Variants in CNMD observed in about 807,000 individuals in gnomAD.
CNMD encodes chondromodulin.
Under a neutral mutation model 37.5 loss-of-function variants are expected in CNMD, and 30 were observed. The ratio of observed to expected loss-of-function variants is 0.80; its 90% confidence interval spans 0.60 to 1.09. The LOEUF (loss-of-function observed/expected upper bound fraction) is 1.09, where lower values mean the gene tolerates loss of function less well. Among genes scored for constraint, CNMD ranks in the 50% least tolerant of loss-of-function variants. The pLI is 0.00. For synonymous variants in CNMD, 167 were observed against 148.2 expected, an observed-to-expected ratio of 1.13 and a Z score of -0.92; for missense variants, 398 against 423.9, an observed-to-expected ratio of 0.94 and a Z score of 0.54.
intron 6 of CNMD, among the ~76,000 whole-genome samples, chr13:52,704,569 A>G (rs1964144114): frequency 6.6e-6 from 1 of 152,246 alleles, no homozygotes; most frequent in Non-Finnish European, 1.5e-5. Flanking sequence ...CCCGGTTTAC[A>G]TATTTGGTTT....
intron 4 of CNMD, among the ~76,000 whole-genome samples, chr13:52,722,412 C>T (rs1489142751): frequency 6.6e-6 from 1 of 152,100 alleles, no homozygotes; most frequent in East Asian, 1.9e-4. Context: ...GCTTTCCCTC[C>T]CTCTCAGGAA....
At chr13:52,712,085 T>C (rs1249959370) in intron 5 of CNMD, among the ~76,000 whole-genome samples, 3 of 152,122 alleles carry the variant, frequency 2.0e-5, no homozygotes, top group Non-Finnish European at 4.4e-5. Flanking sequence ...GTAGAAATAG[T>C]GAGACAACTC....
intron 4 of CNMD, among the ~76,000 whole-genome samples, chr13:52,721,634 C>T (rs1171768254): frequency 1.3e-5 from 2 of 152,182 alleles, no homozygotes; most frequent in African/African-American, 4.8e-5. Context: ...ACTGTCTAAC[C>T]ACTCCCAGTG....
chr13:52,739,387 G>A lies in CNMD; in HGVS notation c.73-216C>T. 1 of 676,036 alleles carries A rather than the reference G, an allele frequency of 1.5e-6. No individual in the cohort carries two copies. Among genetic ancestry groups the A allele is most frequent in the Admixed American group, 3.1e-5 (1 of 32,706 alleles). The allele number at this position is 676,036 out of a possible 1,614,324, so 41.9% of individuals were successfully genotyped here. Reference sequence around the variant, plus strand: ...TGGGATGAGCAAACCCCGCAGCACAGGGCCTTCGCCCCAGGACCTGCACCC... The same window carrying A: ...TGGGATGAGCAAACCCCGCAGCACAAGGCCTTCGCCCCAGGACCTGCACCC... On this transcript the variant is annotated intron_variant, in intron 1 of 6. Coordinates refer to ENST00000377962, the MANE Select transcript of CNMD (RefSeq NM_007015.3). This position sits in a 1 kb window ranked among gnomAD's most constrained non-coding sequence, Gnocchi z 5.4.
rs1179901463 is a variant in CNMD at position 52,724,050 on chromosome 13, C to A, written c.415G>T (p.Ala139Ser). 15 of 1,614,106 alleles carry A rather than the reference C, an allele frequency of 9.3e-6. No homozygotes were observed. The highest frequency in any genetic ancestry group is 1.3e-5 in the Non-Finnish European group (15 of 1,180,002). The change falls in exon 4 of 7, where the codon GCT becomes TCT. Residue 139 changes from alanine to serine, a missense_variant. Coordinates refer to ENST00000377962, the MANE Select transcript of CNMD (RefSeq NM_007015.3). The stretch of plus-strand genomic sequence containing the variant: ...ACGGCGCCCACCTCAGGAATACGAG[C>A]CTTCACTTGCGCTTTAATGTAGCAC... ...EKCYIKAQVKARIPEVGAVTK... is the reference protein window; with the variant it reads ...EKCYIKAQVKSRIPEVGAVTK...
intron 2 of CNMD, among the ~76,000 whole-genome samples, chr13:52,736,625 A>G (rs1297484869): frequency 2.0e-5 from 3 of 152,186 alleles, no homozygotes; most frequent in Non-Finnish European, 4.4e-5. Flanking sequence ...GGAGCTGTGG[A>G]CACCCAAGGC....
intron 6 of CNMD, among the ~76,000 whole-genome samples, chr13:52,705,365 A>G (rs1228564925): frequency 6.6e-6 from 1 of 152,216 alleles, no homozygotes; most frequent in African/African-American, 2.4e-5. Flanking sequence ...CATTATCACA[A>G]AATTAACAAC....
Position 52,739,266 on chromosome 13 carries a change from G to A in CNMD, c.73-95C>T, listed in dbSNP as rs192537657. The A allele has an allele frequency of 8.4e-4, 1,133 of 1,356,782 alleles. 7 individuals carry two copies. The African/African-American group carries it at 0.014, about 17-fold the overall frequency. 84.0% of individuals were successfully genotyped at this position (1,356,782 alleles called of 1,614,324 possible). On this transcript the variant is annotated intron_variant, in intron 1 of 6. Coordinates refer to ENST00000377962, the MANE Select transcript of CNMD (RefSeq NM_007015.3). The surrounding 1 kb of genome is among the most constrained non-coding windows in gnomAD (Gnocchi z 5.4). Reference sequence around the variant, plus strand: ...GGCCCCACGCGGTAGCCCCCAGGGAGTGGGGAGTCGGGCGGGAAACAGCTC... The same window carrying A: ...GGCCCCACGCGGTAGCCCCCAGGGAATGGGGAGTCGGGCGGGAAACAGCTC...
intron 6 of CNMD, among the ~76,000 whole-genome samples, chr13:52,707,850 AT>A (rs1964212463): frequency 6.6e-6 from 1 of 151,996 alleles, no homozygotes; most frequent in African/African-American, 2.4e-5. Context: ...CACACCTGTG[AT>A]CCCAACAACA....
intron 6 of CNMD, among the ~76,000 whole-genome samples, chr13:52,706,095 T>C (rs1017001539): frequency 1.3e-5 from 2 of 152,208 alleles, no homozygotes; most frequent in Non-Finnish European, 2.9e-5. Flanking sequence ...ATAGGCTACA[T>C]AGAAAAACGT....
rs141237745 is a variant in CNMD at position 52,734,747 on chromosome 13, C to G, written c.214-1388G>C. Among the ~76,000 whole-genome samples, 426 of 152,210 alleles carry G rather than the reference C, an allele frequency of 2.8e-3. 4 individuals carry two copies. The highest frequency in any genetic ancestry group is 9.7e-3 in the African/African-American group (403 of 41,522). On this transcript the variant is annotated intron_variant, in intron 2 of 6. Coordinates refer to ENST00000377962, the MANE Select transcript of CNMD (RefSeq NM_007015.3). ...ATATCAGGTCAGCCAGTCAAAACTG[C>G]AAATAGCTCAGATCCAATTCAAGTC...
chr13:52,705,456 A>G (rs1233122907), intron 6 of CNMD, among the ~76,000 whole-genome samples: 1 of 152,228 alleles, frequency 6.6e-6, no homozygotes, highest in Non-Finnish European at 1.5e-5. Flanking sequence ...TTTTTAATTC[A>G]TCAGACTCAC....
chr13:52,708,781 A>C (rs1467222632), intron 5 of CNMD, 79 bp from the exon 6 acceptor site: 2 of 1,220,178 alleles, frequency 1.6e-6, no homozygotes, highest in Non-Finnish European at 2.3e-6. Flanking sequence ...GGTGAAAAAC[A>C]TAAGAAAAGG....
intron 4 of CNMD, among the ~76,000 whole-genome samples, chr13:52,721,015 T>G (rs910317110): frequency 6.6e-6 from 1 of 152,198 alleles, no homozygotes; most frequent in Non-Finnish European, 1.5e-5. Flanking sequence ...AGGAGGAATC[T>G]AGAGAGGCAG....
At position 52,739,360 on chromosome 13, in the gene CNMD, A is replaced by G; in HGVS notation, c.73-189T>C. The G allele has an allele frequency of 1.4e-6, 1 of 728,518 alleles. No homozygotes were observed. 45.1% of individuals were successfully genotyped at this position (728,518 alleles called of 1,614,324 possible). ...AGGGTCCTTTGCAGTCGGGCGTGGA[A>G]GTGGGATGAGCAAACCCCGCAGCAC... On this transcript the variant is annotated intron_variant, in intron 1 of 6. Transcript: ENST00000377962. The surrounding 1 kb of genome is among the most constrained non-coding windows in gnomAD (Gnocchi z 5.4).
intron 3 of CNMD, among the ~76,000 whole-genome samples, chr13:52,726,902 GA>G (rs920029963): frequency 6.6e-6 from 1 of 152,114 alleles, no homozygotes; most frequent in African/African-American, 2.4e-5. Flanking sequence ...TGTATATTAT[GA>G]AAAAGAACGA....
rs776650588 is a variant in CNMD at position 52,733,375 on chromosome 13, A to C, written c.214-16T>G. 4 of 1,613,552 alleles carry C rather than the reference A, an allele frequency of 2.5e-6. No homozygotes were observed. In the South Asian group the frequency reaches 4.4e-5, roughly 18 times the overall value. On this transcript the variant is annotated splice_polypyrimidine_tract_variant and intron_variant, in intron 2 of 6. Transcript: ENST00000377962. ...CATTGTAAATCTGAAAGTGAGCATA[A>C]GAGTTAGTGATGCTTTCTTTTTTGA...
chr13:52,708,135 G>C (rs532281716), intron 6 of CNMD, among the ~76,000 whole-genome samples: 1 of 152,014 alleles, frequency 6.6e-6, no homozygotes, highest in Non-Finnish European at 1.5e-5. Context: ...AGTCTAAGTT[G>C]AATACTTATA....
At chr13:52,718,294 C>T (rs188480966) in intron 4 of CNMD, among the ~76,000 whole-genome samples, 114 of 152,242 alleles carry the variant, frequency 7.5e-4, no homozygotes, top group African/African-American at 2.3e-3. Flanking sequence ...AAAACCAGCT[C>T]CTGGATTCAA....
Sources: gnomAD v4.1 joint callset for allele counts (sites outside exome capture counted in the v4.1 genomes callset) on GRCh38, gnomAD v4.1.1 for gene constraint, Gnocchi (gnomAD v3.1) non-coding constraint, MANE v1.5 for transcripts, NCBI Gene and HGNC (gene_info 2026-07-23, HGNC 2026-07-21) for gene names.